EIF2AK3: variants seen among roughly 807,000 people sequenced by gnomAD.
The protein encoded by EIF2AK3 is eukaryotic translation initiation factor 2 alpha kinase 3, also known as eukaryotic translation initiation factor 2-alpha kinase 3.
Under a neutral mutation model 113.5 loss-of-function variants are expected in EIF2AK3, and 50 were observed. The observed-to-expected ratio is 0.44, with a 90% confidence interval of 0.35 to 0.56. The LOEUF (loss-of-function observed/expected upper bound fraction) is 0.56. Ranked by LOEUF, EIF2AK3 falls within the 20% of genes least tolerant of loss-of-function variation. EIF2AK3 has a pLI of 0.00. For synonymous variants in EIF2AK3, 448 were observed against 495.4 expected (o/e 0.90, Z 1.27); for missense variants, 1,185 against 1,378.0 (o/e 0.86, Z 2.22).
chr2:88,592,369 A>T (rs1674909000), intron 4 of EIF2AK3, among the ~76,000 whole-genome samples: 1 of 151,848 alleles, frequency 6.6e-6, no homozygotes, highest in African/African-American at 2.4e-5. Flanking sequence ...CCTACTAGAC[A>T]TAATTAGAGA....
chr2:88,594,479 G>T (rs1214246581), intron 3 of EIF2AK3, among the ~76,000 whole-genome samples: 3 of 152,206 alleles, frequency 2.0e-5, no homozygotes, highest in African/African-American at 7.2e-5. Flanking sequence ...TTACAAGTGT[G>T]AGCCACCTTG....
intron 10 of EIF2AK3, chr2:88,580,118 G>A (rs1202963458): frequency 5.4e-6 from 1 of 184,654 alleles, no homozygotes; most frequent in Non-Finnish European, 1.1e-5. Context: ...AACCTTCCTA[G>A]GAACCAAAGC....
At chr2:88,562,535 C>G (rs1673992534) in intron 14 of EIF2AK3, 145 bp from the exon 15 acceptor site, 1 of 699,112 alleles carries the variant, frequency 1.4e-6, no homozygotes. Context: ...AAGAGTTAAT[C>G]TCCCAAGTCT....
At chr2:88,590,298 A>G in intron 6 of EIF2AK3, 145 bp downstream of exon 6, 1 of 826,212 alleles carries the variant, frequency 1.2e-6, no homozygotes, top group Admixed American at 2.4e-5. Context: ...TGGAAATCGA[A>G]GTATAAATCT....
In EIF2AK3 at chr2:88,562,084, T is replaced by C. The variant is rs538996735; in HGVS notation, c.3087+205A>G. Among the ~76,000 whole-genome samples the C allele has an allele frequency of 1.9e-4, 29 of 152,320 alleles. 1 individual carries two copies. In the South Asian group the frequency reaches 5.4e-3, roughly 28 times the overall value. The stretch of plus-strand genomic sequence containing the variant: ...TTAAGCAAAAACTAAGAACAAACAA[T>C]CTAACCAAACAAGTTTTTGAAGACT... On this transcript the variant is annotated intron_variant, in intron 15 of 16. Coordinates refer to ENST00000303236, the MANE Select transcript of EIF2AK3 (RefSeq NM_004836.7).
intron 13 of EIF2AK3, among the ~76,000 whole-genome samples, chr2:88,572,011 A>G (rs772778289): frequency 3.9e-5 from 6 of 152,210 alleles, no homozygotes; most frequent in Non-Finnish European, 7.3e-5. Context: ...AAATGAGGAA[A>G]AAGGAAGCCA....
chr2:88,575,352 T>G lies in EIF2AK3; in HGVS notation c.2131A>C (p.Ile711Leu). 1 of 1,614,166 alleles carries G rather than the reference T, an allele frequency of 6.2e-7. No individual in the cohort carries two copies. The highest frequency in any genetic ancestry group is 8.5e-7 in the Non-Finnish European group (1 of 1,180,030). ...CTTCTTTGTGGTGAAGGAGCTATGA[T>G]TTCAATATGTTCTTTTGTAGCGAAA... is the stretch of plus-strand genomic sequence containing the variant. ...DPFATKEHIE[I>L]IAPSPQRSRS... Residue 711 changes from isoleucine (I) to leucine (L), a missense_variant, in exon 13 of 17, where the codon ATC (isoleucine) becomes CTC (leucine). Physicochemically the swap from Ile to Leu is conservative, Grantham distance 5. Transcript: ENST00000303236.
chr2:88,570,788 T>C (rs987644820), intron 14 of EIF2AK3, 86 bp downstream of exon 14: 1 of 1,540,050 alleles, frequency 6.5e-7, no homozygotes, highest in African/African-American at 1.4e-5. Flanking sequence ...GGTTTTAGAT[T>C]ACTGGGTATT....
Position 88,627,120 on chromosome 2 carries a change from G to A in EIF2AK3, c.155C>T (p.Ala52Val). 1 of 1,503,766 alleles carries A rather than the reference G, an allele frequency of 6.6e-7. No homozygotes were observed. Among genetic ancestry groups the A allele is most frequent in the Non-Finnish European group, 8.8e-7 (1 of 1,133,188 alleles). The allele number at this position is 1,503,766 out of a possible 1,614,324, so 93.2% of individuals were successfully genotyped here. ...CGGTACTCGCGTCGCTGAGGTGGGA[G>A]CAGCGGCCGCCCCGAGGCCGAACGC... is the stretch of plus-strand genomic sequence containing the variant. The part of the protein sequence containing the change: ...EAAFGLGAAA[A>V]PTSATRVPAA... Residue 52 changes from alanine (A) to valine (V), a missense_variant, in exon 1 of 17, where the codon GCT (alanine) becomes GTT (valine). By Grantham distance (64) the Ala-to-Val change is moderately conservative. This residue lies in a region of EIF2AK3 where 189 missense variants were observed against 175.2 expected (regional missense o/e 1.08). Transcript: ENST00000303236.
In EIF2AK3 at chr2:88,557,939, G is replaced by A; in HGVS notation, c.3151-3C>T. ...AGCATGTCTTGAACCATCACGTACTGAAAATATAAAAATTGTTTTGTGATA... is the reference window on the plus strand; with the variant it reads ...AGCATGTCTTGAACCATCACGTACTAAAAATATAAAAATTGTTTTGTGATA... On this transcript the variant is annotated splice_region_variant and splice_polypyrimidine_tract_variant and intron_variant, in intron 16 of 16. Coordinates refer to ENST00000303236, the MANE Select transcript of EIF2AK3 (RefSeq NM_004836.7). 1 of 1,613,514 alleles carries A rather than the reference G, an allele frequency of 6.2e-7. No individual in the cohort carries two copies. The highest frequency in any genetic ancestry group is 8.5e-7 in the Non-Finnish European group (1 of 1,179,638).
chr2:88,622,184 A>C (rs1344760178), intron 1 of EIF2AK3, among the ~76,000 whole-genome samples: 3 of 152,328 alleles, frequency 2.0e-5, no homozygotes, highest in Non-Finnish European at 4.4e-5. Context: ...GGCGTGAGCC[A>C]CCACGCCCGG....
rs1282450205 is a variant in EIF2AK3 at position 88,557,913 on chromosome 2, G to C, written c.3174C>G (p.Leu1058=). 3 of 1,614,034 alleles carry C rather than the reference G, an allele frequency of 1.9e-6. No homozygotes were observed. The highest frequency in any genetic ancestry group is 2.7e-5 in the African/African-American group (2 of 74,936). ...PCEYVMVQDM[L]SPSPMERPEA... ...CAGGTCGTTCCATGGGGGATGGAGA[G>C]AGCATGTCTTGAACCATCACGTACT... The change falls in exon 17 of 17, where the codon CTC becomes CTG. Residue 1058 remains leucine, a synonymous_variant. Transcript: ENST00000303236.
intron 13 of EIF2AK3, among the ~76,000 whole-genome samples, chr2:88,571,644 C>T (rs1274842106): frequency 2.0e-5 from 3 of 152,144 alleles, no homozygotes; most frequent in Non-Finnish European, 2.9e-5. Flanking sequence ...TCCACTGCCA[C>T]GTGCCCAGAT....
chr2:88,625,081 C>T (rs1042688925), intron 1 of EIF2AK3, among the ~76,000 whole-genome samples: 5 of 152,284 alleles, frequency 3.3e-5, no homozygotes, highest in East Asian at 3.9e-4. Flanking sequence ...GTGAATCACA[C>T]GGTGATCTTG....
At chr2:88,568,848 A>G (rs1674211387) in intron 14 of EIF2AK3, among the ~76,000 whole-genome samples, 1 of 152,230 alleles carries the variant, frequency 6.6e-6, no homozygotes, top group Non-Finnish European at 1.5e-5. Context: ...ACTTGAAAGA[A>G]TAATTGGTAG....
intron 15 of EIF2AK3, 102 bp downstream of exon 15, chr2:88,562,187 A>G (rs1673984221): frequency 3.4e-6 from 3 of 886,238 alleles, no homozygotes; most frequent in East Asian, 2.6e-5. Flanking sequence ...TAGTTAACCA[A>G]TCTGCTGGTA....
intron 10 of EIF2AK3, chr2:88,579,978 A>T: frequency 3.9e-6 from 1 of 253,574 alleles, no homozygotes; most frequent in Non-Finnish European, 7.8e-6. Flanking sequence ...CCTAATCCTC[A>T]TATCTTTTAC....
intron 15 of EIF2AK3, among the ~76,000 whole-genome samples, chr2:88,560,892 G>T (rs1201682597): frequency 6.6e-6 from 1 of 152,038 alleles, no homozygotes; most frequent in Non-Finnish European, 1.5e-5. Flanking sequence ...GATAAAATAA[G>T]AAATAGTGAC....
In EIF2AK3 at chr2:88,623,159, C is replaced by G. The variant is rs1003040828; in HGVS notation, c.308+3808G>C. Reference sequence around the variant, plus strand: ...CCCATCCCAAGAACCCCAAGTAACACTTTGCAATTTGCTATTTGTGTTGAA... The same window carrying G: ...CCCATCCCAAGAACCCCAAGTAACAGTTTGCAATTTGCTATTTGTGTTGAA... On this transcript the variant is annotated intron_variant, in intron 1 of 16. Coordinates refer to ENST00000303236, the MANE Select transcript of EIF2AK3 (RefSeq NM_004836.7). Among the ~76,000 whole-genome samples, 9 of 152,318 alleles carry G rather than the reference C, an allele frequency of 5.9e-5. 1 individual carries two copies. Among genetic ancestry groups the G allele is most frequent in the Middle Eastern group, 6.8e-3 (2 of 294 alleles).
Sources: gnomAD v4.1 joint callset for allele counts (sites outside exome capture counted in the v4.1 genomes callset) on GRCh38, gnomAD v4.1.1 for gene constraint, gnomAD v4.1.1 regional missense constraint, MANE v1.5 for transcripts, NCBI Gene and HGNC (gene_info 2026-07-23, HGNC 2026-07-21) for gene names.